The following NTSR2 variants were observed in gnomAD, a reference collection of about 807,000 sequenced individuals.
NTSR2 encodes the protein neurotensin receptor 2.
In NTSR2, 22 loss-of-function variants were observed where a neutral mutation model predicts 24.1. That is an observed-to-expected ratio of 0.91 (90% CI 0.65 to 1.30). The LOEUF is 1.30. NTSR2 is among the 50% of genes most tolerant of loss of function. The pLI is 0.00. For missense variants in NTSR2, 570 were observed against 570.4 expected (o/e 1.00, Z 0.01); for synonymous variants, 291 against 267.0 (o/e 1.09, Z -0.88).
chr2:11,660,418 C>T (rs1216626045), intron 2 of NTSR2, among the ~76,000 whole-genome samples: 3 of 152,192 alleles, frequency 2.0e-5, no homozygotes, highest in Non-Finnish European at 4.4e-5. Flanking sequence ...GAATATACTC[C>T]CAACCCAGGG....
intron 1 of NTSR2, among the ~76,000 whole-genome samples, chr2:11,668,723 G>A (rs1359220347): frequency 1.3e-5 from 2 of 152,220 alleles, no homozygotes; most frequent in African/African-American, 2.4e-5. Flanking sequence ...GAGGACACTG[G>A]CTTGTAGAAC....
chr2:11,669,460 G>GGGGGGGGGGGGGGGCCC, intron 1 of NTSR2, 46 bp downstream of exon 1: 18 of 254,722 alleles, frequency 7.1e-5, no homozygotes, highest in Non-Finnish European at 9.6e-5. Flanking sequence ...TCCCAGCACC[G>GGGGGGGGGGGGGGGCCC]CCCCCCCACC....
intron 1 of NTSR2, among the ~76,000 whole-genome samples, chr2:11,662,703 C>T (rs1268753066): frequency 6.6e-6 from 1 of 152,184 alleles, no homozygotes; most frequent in Non-Finnish European, 1.5e-5. Context: ...ATGGTGTGAA[C>T]CCAGGAGGCG....
chr2:11,669,460 G>GGGGGGGGGGGGGGGGGCCCCCCCCC, intron 1 of NTSR2, 46 bp downstream of exon 1: 5 of 254,724 alleles, frequency 2.0e-5, no homozygotes, highest in East Asian at 5.5e-5. Flanking sequence ...TCCCAGCACC[G>GGGGGGGGGGGGGGGGGCCCCCCCCC]CCCCCCCACC....
intron 2 of NTSR2, among the ~76,000 whole-genome samples, chr2:11,661,260 A>G (rs1661065551): frequency 6.6e-6 from 1 of 152,252 alleles, no homozygotes; most frequent in African/African-American, 2.4e-5. Context: ...ATCTCCCGTC[A>G]CTTATGGACA....
chr2:11,660,159 C>T, intron 2 of NTSR2, 26 bp from the exon 3 acceptor site: 1 of 1,580,972 alleles, frequency 6.3e-7, no homozygotes, highest in South Asian at 1.1e-5. Flanking sequence ...AAGGGAGAGA[C>T]AGCGCCAGGA....
In NTSR2 at chr2:11,661,982, T is replaced by C. The variant is rs1325633694; in HGVS notation, c.883A>G (p.Ser295Gly). The change falls in exon 2 of 4, where the codon AGC becomes GGC. Residue 295 changes from serine to glycine, a missense_variant. By Grantham distance (56) the Ser-to-Gly change is moderately conservative. Coordinates refer to ENST00000306928, the MANE Select transcript of NTSR2 (RefSeq NM_012344.4). ...DVRRIRSLQR[S>G]VQVLRAIVVM... ...AGGACTTAACTGAGAACCTGGACGC[T>C]GCGCTGGAGGCTGCGGATCCGGCGC... is the stretch of plus-strand genomic sequence containing the variant. 4 of 1,597,572 alleles carry C rather than the reference T, an allele frequency of 2.5e-6. No individual in the cohort carries two copies. Among genetic ancestry groups the C allele is most frequent in the Admixed American group, 3.5e-5 (2 of 57,470 alleles).
At chr2:11,661,083 G>A (rs1360065480) in intron 2 of NTSR2, among the ~76,000 whole-genome samples, 4 of 152,146 alleles carry the variant, frequency 2.6e-5, no homozygotes, top group African/African-American at 9.7e-5. Flanking sequence ...GTAGCCCCTG[G>A]ACCAGCAGTG....
chr2:11,658,709 A>T lies in NTSR2; in HGVS notation c.1003T>A (p.Phe335Ile), dbSNP rs1363463730. The T allele has an allele frequency of 5.0e-6, 8 of 1,614,064 alleles. No homozygotes were observed. Among genetic ancestry groups the T allele is most frequent in the Non-Finnish European group, 6.8e-6 (8 of 1,179,996 alleles). Residue 335 changes from phenylalanine (F) to isoleucine (I), a missense_variant, in exon 4 of 4, where the codon TTC becomes ATC. By Grantham distance (21) the Phe-to-Ile change is conservative. Transcript: ENST00000306928. The stretch of plus-strand genomic sequence containing the variant: ...GTCACCATGTAGAAGTAGTGGTAGA[A>T]ATTGTACAGTGGGCTGCAAGAGAAA... ...DDAWTDPLYN[F>I]YHYFYMVTNT...
At chr2:11,660,237 T>TC in intron 2 of NTSR2, 104 bp from the exon 3 acceptor site, 2 of 843,596 alleles carry the variant, frequency 2.4e-6, no homozygotes, top group Non-Finnish European at 3.9e-6. Context: ...TAGCAGCATT[T>TC]CCCTCTAACT....
At chr2:11,664,941 G>A (rs1312616816) in intron 1 of NTSR2, among the ~76,000 whole-genome samples, 2 of 151,804 alleles carry the variant, frequency 1.3e-5, no homozygotes, top group East Asian at 3.9e-4. Context: ...AAAAGATGCT[G>A]TTAGACTGAC....
Position 11,660,115 on chromosome 2 carries a change from T to C in NTSR2, c.917A>G (p.Tyr306Cys). The C allele has an allele frequency of 5.6e-6, 9 of 1,613,588 alleles. No homozygotes were observed. The highest frequency in any genetic ancestry group is 6.8e-6 in the Non-Finnish European group (8 of 1,179,928). ...VQVLRAIVVM[Y>C]VICWLPYHAR... ...ATGGTACGGCAGCCAGCAGATGACA[T>C]ACATGACCACGATGGCTCCTGCAGA... Residue 306 changes from tyrosine to cysteine, a missense_variant, in exon 3 of 4, where the codon TAT becomes TGT. Coordinates refer to ENST00000306928, the MANE Select transcript of NTSR2 (RefSeq NM_012344.4).
chr2:11,663,807 CAG>C (rs981700045), intron 1 of NTSR2, among the ~76,000 whole-genome samples: 15 of 152,078 alleles, frequency 9.9e-5, no homozygotes, highest in South Asian at 2.1e-4. Context: ...CAATTTAAAA[CAG>C]AAATAAAGCT....
chr2:11,665,196 G>T (rs79381371), intron 1 of NTSR2, among the ~76,000 whole-genome samples: 8,181 of 151,526 alleles, frequency 0.054, 314 homozygotes, highest in Non-Finnish European at 0.084. Context: ...TCACAGCCAC[G>T]CCAGGCCTCG....
At chr2:11,666,115 G>A (rs1392896107) in intron 1 of NTSR2, 1 of 152,302 alleles carries the variant, frequency 6.6e-6, no homozygotes, top group Non-Finnish European at 1.5e-5. Context: ...TGGTAGAGCT[G>A]AGGTACCAAG....
At chr2:11,664,004 TATA>T (rs981685902) in intron 1 of NTSR2, among the ~76,000 whole-genome samples, 7 of 152,202 alleles carry the variant, frequency 4.6e-5, no homozygotes, top group Admixed American at 4.6e-4. Flanking sequence ...AATTTATTTA[TATA>T]ATACCCTGTG....
At chr2:11,661,421 G>T (rs1314498637) in intron 2 of NTSR2, among the ~76,000 whole-genome samples, 1 of 152,192 alleles carries the variant, frequency 6.6e-6, no homozygotes, top group African/African-American at 2.4e-5. Context: ...CAGAGGGCCT[G>T]TCTTGTACTT....
In NTSR2 at chr2:11,669,992, G is replaced by C. The variant is rs113661052; in HGVS notation, c.138C>G (p.Gly46=). The C allele has an allele frequency of 1.2e-3, 1,762 of 1,512,522 alleles. 14 individuals carry two copies. In the African/African-American group the frequency reaches 0.021, roughly 18 times the overall value. The allele number at this position is 1,512,522 out of a possible 1,614,324, so 93.7% of individuals were successfully genotyped here. The change falls in exon 1 of 4, where the codon GGC becomes GGG. Residue 46 remains glycine (G), a synonymous_variant. Transcript: ENST00000306928. ...GCGCGGACAGCGCATTGCCCGCCGCGCCCAGCGCCCAGATGAGTGCGTAGA... is the reference window on the plus strand; with the variant it reads ...GCGCGGACAGCGCATTGCCCGCCGCCCCCAGCGCCCAGATGAGTGCGTAGA... The part of the protein sequence containing the change: ...TALYALIWAL[G]AAGNALSAHV...
intron 1 of NTSR2, 46 bp downstream of exon 1, chr2:11,669,460 G>GGGGGGGGCCCCCCC: frequency 3.9e-6 from 1 of 254,726 alleles, no homozygotes; most frequent in Non-Finnish European, 6.9e-6. Context: ...TCCCAGCACC[G>GGGGGGGGCCCCCCC]CCCCCCCACC....
Sources: allele counts gnomAD v4.1 joint callset (sites outside exome capture counted in the v4.1 genomes callset), GRCh38; gene constraint gnomAD v4.1.1; transcripts MANE v1.5; gene names NCBI Gene and HGNC (gene_info 2026-07-23, HGNC 2026-07-21).